Variants in ZNF723 observed in about 807,000 individuals in gnomAD.
ZNF723 encodes zinc finger protein 723, pseudogene.
In ZNF723, 5 loss-of-function variants were observed where a neutral mutation model predicts 9.4. The observed-to-expected ratio is 0.53, with a 90% CI of 0.28 to 1.12. ZNF723 has a LOEUF of 1.12. ZNF723 is among the 50% of genes most tolerant of loss of function. The pLI, the probability that ZNF723 is intolerant of heterozygous loss-of-function variation, is 0.10. For missense variants in ZNF723, 450 were observed against 501.5 expected (o/e 0.90, Z 0.98); for synonymous variants, 158 against 168.8 (o/e 0.94, Z 0.49).
Position 22,857,807 on chromosome 19 carries a change from A to T in ZNF723, c.916A>T (p.Ile306Phe). ...VFSSLNNHKR[I>F]HTGEKPYKCE... ...CTCAAGCCTTAATAATCATAAGAGA[A>T]TTCATACTGGAGAGAAACCCTACAA... Residue 306 changes from isoleucine (I) to phenylalanine (F), a missense_variant, in exon 4 of 4, where the codon ATT becomes TTT. Ile to Phe is a conservative substitution (Grantham distance 21). Transcript: ENST00000600766. The T allele has an allele frequency of 1.4e-6, 2 of 1,381,384 alleles. No homozygotes were observed. Among genetic ancestry groups the T allele is most frequent in the Non-Finnish European group, 2.1e-6 (2 of 968,640 alleles). 85.6% of individuals were successfully genotyped at this position (1,381,384 alleles called of 1,614,324 possible). A position where few individuals can be genotyped will look rare whatever the true frequency, so the allele number is the denominator to read the frequency against.
At chr19:22,836,172 C>A (rs548783441) in intron 1 of ZNF723, among the ~76,000 whole-genome samples, 1 of 152,222 alleles carries the variant, frequency 6.6e-6, no homozygotes, top group East Asian at 1.9e-4. Context: ...GGAGCCTCCG[C>A]TGCAGATTTC....
upstream of ZNF723, among the ~76,000 whole-genome samples, chr19:22,829,579 C>T (rs1967072043): frequency 6.6e-6 from 1 of 151,940 alleles, no homozygotes; most frequent in Non-Finnish European, 1.5e-5. Flanking sequence ...ACAACCACGC[C>T]CGGCCAATAA....
chr19:22,824,195 TG>T, the ZNF723 span, among the ~76,000 whole-genome samples: 3 of 152,328 alleles, frequency 2.0e-5, no homozygotes, highest in South Asian at 6.2e-4. Context: ...CTCTCTTGCC[TG>T]GGCCTTGCCC....
rs771161714 is a variant in ZNF723 at position 22,837,592 on chromosome 19, A to T, written c.3+5210A>T. On this transcript the variant is annotated intron_variant, in intron 1 of 3. Transcript: ENST00000600766. The stretch of plus-strand genomic sequence containing the variant: ...TGCTTTCCTGTACACAGGCCGTCAC[A>T]CTGCTCATTGTTCTGTGATTCCAGA... Among the ~76,000 whole-genome samples the T allele has an allele frequency of 2.6e-5, 4 of 152,262 alleles. No individual in the cohort carries two copies. In the East Asian group the frequency reaches 7.7e-4, roughly 29 times the overall value.
At chr19:22,844,678 A>T (rs1237225889) in intron 1 of ZNF723, among the ~76,000 whole-genome samples, 1 of 152,146 alleles carries the variant, frequency 6.6e-6, no homozygotes, top group Non-Finnish European at 1.5e-5. Flanking sequence ...ATGCTTTAGG[A>T]TGGAGATTAG....
upstream of ZNF723, among the ~76,000 whole-genome samples, chr19:22,831,869 C>T (rs939400462): frequency 2.7e-5 from 4 of 150,162 alleles, no homozygotes; most frequent in Non-Finnish European, 5.9e-5. Context: ...GATCGTGCCA[C>T]GGCACTCCAT....
At chr19:22,843,314 C>T (rs1453570696) in intron 1 of ZNF723, among the ~76,000 whole-genome samples, 7 of 152,178 alleles carry the variant, frequency 4.6e-5, no homozygotes, top group South Asian at 2.1e-4. Context: ...ATGTCCAGAG[C>T]AGAATTGTGC....
intron 3 of ZNF723, among the ~76,000 whole-genome samples, chr19:22,852,295 C>T (rs1967408940): frequency 6.6e-6 from 1 of 152,136 alleles, no homozygotes; most frequent in South Asian, 2.1e-4. Context: ...GAATATGCCA[C>T]CTCATAGCAG....
the ZNF723 span, among the ~76,000 whole-genome samples, chr19:22,817,459 A>G: frequency 6.6e-6 from 1 of 152,084 alleles, no homozygotes; most frequent in Admixed American, 6.6e-5. Context: ...CTATAGAAAG[A>G]TTATGACATA....
chr19:22,854,060 G>A (rs935157711), intron 3 of ZNF723, among the ~76,000 whole-genome samples: 8 of 151,850 alleles, frequency 5.3e-5, no homozygotes, highest in African/African-American at 9.7e-5. Flanking sequence ...AGAAAGTGGC[G>A]TATTAAAATA....
chr19:22,825,447 G>A, the ZNF723 span, among the ~76,000 whole-genome samples: 7 of 152,364 alleles, frequency 4.6e-5, no homozygotes, highest in African/African-American at 1.4e-4. Flanking sequence ...TAGCATTTGA[G>A]TAATTCCACT....
chr19:22,855,058 AT>A (rs922659382), intron 3 of ZNF723, among the ~76,000 whole-genome samples: 14 of 152,146 alleles, frequency 9.2e-5, no homozygotes, highest in East Asian at 7.7e-4. Flanking sequence ...AAAAAAAAAA[AT>A]ATTCTTCCTC....
chr19:22,815,611 A>G, the ZNF723 span, among the ~76,000 whole-genome samples: 2 of 152,186 alleles, frequency 1.3e-5, no homozygotes, highest in Admixed American at 6.5e-5. Flanking sequence ...CCACAGGTAG[A>G]ATTGTGACAT....
chr19:22,840,544 TA>T (rs1484160384), intron 1 of ZNF723: 6 of 152,192 alleles, frequency 3.9e-5, no homozygotes, highest in Admixed American at 6.5e-5. Flanking sequence ...TAAAGAGAAA[TA>T]TTTTTTTAGA....
chr19:22,821,898 C>G, the ZNF723 span, among the ~76,000 whole-genome samples: 1 of 152,180 alleles, frequency 6.6e-6, no homozygotes, highest in Admixed American at 6.5e-5. Flanking sequence ...CACCTGAGGT[C>G]AGGAGTTCAA....
chr19:22,813,092 G>C, the ZNF723 span, among the ~76,000 whole-genome samples: 2 of 152,068 alleles, frequency 1.3e-5, no homozygotes, highest in Non-Finnish European at 2.9e-5. Context: ...TCTTGCCTCA[G>C]CCTCCCAAGT....
intron 1 of ZNF723, among the ~76,000 whole-genome samples, chr19:22,841,758 A>G (rs2145214331): frequency 6.6e-6 from 1 of 152,302 alleles, no homozygotes; most frequent in East Asian, 1.9e-4. Flanking sequence ...GTGAGTGTTG[A>G]GTAGACATGT....
chr19:22,841,474 A>C (rs115317530), intron 1 of ZNF723, among the ~76,000 whole-genome samples: 2,144 of 152,270 alleles, frequency 0.014, 38 homozygotes, highest in African/African-American at 0.049. Context: ...CTGTTCTATC[A>C]TTTTGGAGTT....
upstream of ZNF723, among the ~76,000 whole-genome samples, chr19:22,831,990 T>G (rs1967103219): frequency 6.6e-6 from 1 of 152,182 alleles, no homozygotes; most frequent in African/African-American, 2.4e-5. Context: ...AAGCCGAAAT[T>G]TTAAAATAGC....
Sources: allele counts gnomAD v4.1 joint callset (sites outside exome capture counted in the v4.1 genomes callset), GRCh38; gene constraint gnomAD v4.1.1; transcripts MANE v1.5; gene names NCBI Gene and HGNC (gene_info 2026-07-23, HGNC 2026-07-21).